AEBP1: variants seen among roughly 807,000 people sequenced by gnomAD.
AEBP1 encodes the protein AE binding protein 1.
Under a neutral mutation model 116.5 loss-of-function variants are expected in AEBP1, and 69 were observed. The observed-to-expected ratio is 0.59, with a 90% CI of 0.49 to 0.72. The LOEUF is 0.72. AEBP1 is among the 30% of genes least tolerant of loss of function. The probability of loss-of-function intolerance (pLI) is 0.00; values close to 1 mark genes in which losing one functional copy is unlikely to be tolerated. For missense variants in AEBP1, 1,444 were observed against 1,557.5 expected (o/e 0.93, Z 1.23); for synonymous variants, 627 against 627.3 (o/e 1.00, Z 0.01).
At chr7:44,110,387 G>T in intron 11 of AEBP1, 41 bp downstream of exon 11, 1 of 1,612,720 alleles carries the variant, frequency 6.2e-7, no homozygotes, top group African/African-American at 1.3e-5. Flanking sequence ...GAGGGGAGTG[G>T]CTACATAGGC....
At position 44,111,782 on chromosome 7, in the gene AEBP1, G is replaced by T; in HGVS notation, c.1841-72G>T. Reference sequence around the variant, plus strand: ...TCCCCCAGACCCTCGGGTATGAGGTGGGTCTGGGTCCTTCCTCAGCTGCCC... The same window carrying T: ...TCCCCCAGACCCTCGGGTATGAGGTTGGTCTGGGTCCTTCCTCAGCTGCCC... On this transcript the variant is annotated intron_variant, in intron 15 of 20. Coordinates refer to ENST00000223357, the MANE Select transcript of AEBP1 (RefSeq NM_001129.5). This position sits in a 1 kb window ranked among gnomAD's most constrained non-coding sequence, Gnocchi z 4.7. 6.5e-7 allele frequency: 1 copy of T among 1,541,820 alleles called. No individual in the cohort carries two copies. The highest frequency in any genetic ancestry group is 1.2e-5 in the South Asian group (1 of 83,330).
chr7:44,109,967 G>T, intron 9 of AEBP1, 48 bp from the exon 10 acceptor site: 1 of 1,544,574 alleles, frequency 6.5e-7, no homozygotes, highest in African/African-American at 1.4e-5. Context: ...GTTTGGTGGA[G>T]GGAAGGATGG....
chr7:44,105,453 G>A (rs2096221994), intron 1 of AEBP1, among the ~76,000 whole-genome samples: 1 of 152,182 alleles, frequency 6.6e-6, no homozygotes, highest in African/African-American at 2.4e-5. Flanking sequence ...CATCACTGAA[G>A]CATTTAACCC....
chr7:44,104,978 GA>G, intron 1 of AEBP1, 60 bp downstream of exon 1: 1 of 1,357,762 alleles, frequency 7.4e-7, no homozygotes, highest in East Asian at 2.5e-5. Flanking sequence ...GGAACAGGGG[GA>G]TTCGGTAGGG....
Position 44,114,103 on chromosome 7 carries a change from C to A in AEBP1, c.3319C>A (p.Pro1107Thr), listed in dbSNP as rs748620567. Residue 1107 changes from proline to threonine, a missense_variant, in exon 21 of 21, where the codon CCC (proline) becomes ACC (threonine). Physicochemically the swap from Pro to Thr is conservative, Grantham distance 38 (BLOSUM62 -1). Coordinates refer to ENST00000223357, the MANE Select transcript of AEBP1 (RefSeq NM_001129.5). ...VEPEFGTKVE[P>T]EFETQLEPEF... is the part of the protein sequence containing the mutation. ...GCCCGAGTTTGGGACCAAGGTGGAG[C>A]CCGAGTTTGAGACCCAGTTGGAGCC... 6.2e-7 allele frequency: 1 copy of A among 1,613,804 alleles called. No homozygotes were observed. The highest frequency in any genetic ancestry group is 1.7e-5 in the Admixed American group (1 of 60,016).
At chr7:44,110,597 C>T (rs2096228271) in intron 11 of AEBP1, 128 bp from the exon 12 acceptor site, 2 of 1,024,764 alleles carry the variant, frequency 2.0e-6, no homozygotes, top group South Asian at 3.1e-5. Context: ...GACCCAGGCT[C>T]AACACCTGGG....
In AEBP1 at chr7:44,112,298, C is replaced by T. The variant is rs145884426; in HGVS notation, c.2194C>T (p.Arg732Cys). ...VPNNNLPIPERYLSPDATVST... is the reference protein window; with the variant it reads ...VPNNNLPIPECYLSPDATVST... The stretch of plus-strand genomic sequence containing the variant: ...CAACAATAACTTGCCCATCCCTGAA[C>T]GCTACCTTTCGCCAGATGCCACGGT... Residue 732 changes from arginine (R) to cysteine (C), a missense_variant, in exon 17 of 21, where the codon CGC becomes TGC. Coordinates refer to ENST00000223357, the MANE Select transcript of AEBP1 (RefSeq NM_001129.5). The surrounding 1 kb of genome is among the most constrained non-coding windows in gnomAD (Gnocchi z 6.6). The T allele has an allele frequency of 8.3e-6, 13 of 1,561,604 alleles. No homozygotes were observed. The African/African-American group carries it at 1.1e-4, about 13-fold the overall frequency.
In AEBP1 at chr7:44,108,411, C is replaced by T. The variant is rs1035338270; in HGVS notation, c.940+327C>T. On this transcript the variant is annotated intron_variant, in intron 6 of 20. Coordinates refer to ENST00000223357, the MANE Select transcript of AEBP1 (RefSeq NM_001129.5). This position sits in a 1 kb window ranked among gnomAD's most constrained non-coding sequence, Gnocchi z 5.0. Reference sequence around the variant, plus strand: ...TGCTCTAACTGGCTTCCCGCTGGCTCGTGGCCACTGCCCCACTCTCTTCAG... The same window carrying T: ...TGCTCTAACTGGCTTCCCGCTGGCTTGTGGCCACTGCCCCACTCTCTTCAG... Among the ~76,000 whole-genome samples, 1 of 152,144 alleles carries T rather than the reference C, an allele frequency of 6.6e-6. No homozygotes were observed. Among genetic ancestry groups the T allele is most frequent in the Admixed American group, 6.5e-5 (1 of 15,288 alleles).
chr7:44,113,850 C>A lies in AEBP1; in HGVS notation c.3066C>A (p.Arg1022=). 8 of 1,613,896 alleles carry A rather than the reference C, an allele frequency of 5.0e-6. No homozygotes were observed. Among genetic ancestry groups the A allele is most frequent in the Non-Finnish European group, 6.8e-6 (8 of 1,179,996 alleles). Residue 1022 remains arginine (R), a synonymous_variant, in exon 21 of 21, where the codon CGC becomes CGA. Coordinates refer to ENST00000223357, the MANE Select transcript of AEBP1 (RefSeq NM_001129.5). This position sits in a 1 kb window ranked among gnomAD's most constrained non-coding sequence, Gnocchi z 5.3. ...AACAGCGACGCCTGCAGCAGCGACG[C>A]CTACAACACCGCCTGCGGCTTCGGG... ...TPQQRRLQQR[R]LQHRLRLRAQ... is the part of the protein sequence containing the mutation.
chr7:44,106,273 G>C, intron 1 of AEBP1: 1 of 629,120 alleles, frequency 1.6e-6, no homozygotes, highest in Non-Finnish European at 2.9e-6. Context: ...TTGGCAGGTG[G>C]GGGGATGAGG....
Position 44,104,440 on chromosome 7 carries a change from CT to C in AEBP1, c.-225del, listed in dbSNP as rs2096220747. The stretch of plus-strand genomic sequence containing the variant: ...GGACCTCGGAGCGCCCCGACCACCC[CT>C]GAGCCCCTCTGGCTTCGGAGCCCCC... On this transcript the variant is annotated 5_prime_UTR_variant, in exon 1 of 21. Coordinates refer to ENST00000223357, the MANE Select transcript of AEBP1 (RefSeq NM_001129.5). The C allele has an allele frequency of 2.5e-6, 1 of 404,292 alleles. No homozygotes were observed. The highest frequency in any genetic ancestry group is 6.3e-4 in the Middle Eastern group (1 of 1,590). 25.0% of individuals were successfully genotyped at this position (404,292 alleles called of 1,614,324 possible). A position where few individuals can be genotyped will look rare whatever the true frequency, so the allele number is the denominator to read the frequency against.
chr7:44,109,435 C>G, intron 9 of AEBP1, 94 bp downstream of exon 9: 1 of 1,332,134 alleles, frequency 7.5e-7, no homozygotes, highest in Non-Finnish European at 1.0e-6. Flanking sequence ...GGACCCAGGT[C>G]CCCGGAACCC....
rs1219138633 is a variant in AEBP1, at chr7:44,106,803, C to T, written c.511C>T (p.Pro171Ser). 1 of 1,611,050 alleles carries T rather than the reference C, an allele frequency of 6.2e-7. No individual in the cohort carries two copies. Among genetic ancestry groups the T allele is most frequent in the Non-Finnish European group, 8.5e-7 (1 of 1,179,022 alleles). Residue 171 changes from proline to serine, a missense_variant, in exon 2 of 21, where the codon CCC becomes TCC. Physicochemically the swap from Pro to Ser is moderately conservative, Grantham distance 74. Coordinates refer to ENST00000223357, the MANE Select transcript of AEBP1 (RefSeq NM_001129.5). ...GAAGCCCCCGTCAGGGAAGAGGCCC[C>T]CCATTCTGGCTCCCTCAGAAACCCT... ...TKKPPSGKRP[P>S]ILAPSETLEW... is the part of the protein sequence containing the mutation.
Position 44,107,962 on chromosome 7 carries a change from T to A in AEBP1, c.862+31T>A, listed in dbSNP as rs1354120925. ...ATGGGGGGCAGGAGAGGAGGTGCCA[T>A]GGCCACGGCGCTCTGGCCCCCTCCT... On this transcript the variant is annotated intron_variant, in intron 5 of 20. Coordinates refer to ENST00000223357, the MANE Select transcript of AEBP1 (RefSeq NM_001129.5). This position sits in a 1 kb window ranked among gnomAD's most constrained non-coding sequence, Gnocchi z 4.3. 1.4e-6 allele frequency: 2 copies of A among 1,422,966 alleles called. No homozygotes were observed. The highest frequency in any genetic ancestry group is 1.8e-6 in the Non-Finnish European group (2 of 1,093,132). 88.1% of individuals were successfully genotyped at this position (1,422,966 alleles called of 1,614,324 possible).
At chr7:44,109,943 C>A in intron 9 of AEBP1, 72 bp from the exon 10 acceptor site, 3 of 1,395,412 alleles carry the variant, frequency 2.1e-6, no homozygotes, top group Non-Finnish European at 2.0e-6. Context: ...GGGCTCTGGG[C>A]TCCTTGGTTC....
Position 44,114,488 on chromosome 7 carries a change from G to A in AEBP1, c.*227G>A. ...TCCACCTGCCAGTCTCGTAAGAGAT[G>A]GGGTTGCTGCAGTGTTGGAGTAGGG... On this transcript the variant is annotated 3_prime_UTR_variant, in exon 21 of 21. Coordinates refer to ENST00000223357, the MANE Select transcript of AEBP1 (RefSeq NM_001129.5). 1 of 636,432 alleles carries A rather than the reference G, an allele frequency of 1.6e-6. No homozygotes were observed. Among genetic ancestry groups the A allele is most frequent in the South Asian group, 2.0e-5 (1 of 49,562 alleles). 39.4% of individuals were successfully genotyped at this position (636,432 alleles called of 1,614,324 possible).
Position 44,112,335 on chromosome 7 carries a change from C to G in AEBP1, c.2217+14C>G. 1 of 1,532,862 alleles carries G rather than the reference C, an allele frequency of 6.5e-7. No homozygotes were observed. The highest frequency in any genetic ancestry group is 8.8e-7 in the Non-Finnish European group (1 of 1,138,284). The allele number at this position is 1,532,862 out of a possible 1,614,324, so 95.0% of individuals were successfully genotyped here. A position where few individuals can be genotyped will look rare whatever the true frequency, so the allele number is the denominator to read the frequency against. The stretch of plus-strand genomic sequence containing the variant: ...CCAGATGCCACGGTGAGGCTACAGC[C>G]TGGCTGAAAGGGCAGGAGGGAGCAG... On this transcript the variant is annotated intron_variant, in intron 17 of 20. Transcript: ENST00000223357. The surrounding 1 kb of genome is among the most constrained non-coding windows in gnomAD (Gnocchi z 6.6).
chr7:44,107,939 G>A lies in AEBP1; in HGVS notation c.862+8G>A. ...CCCCGGAGGAGAGGATTGGTAGGAT[G>A]GGGGGCAGGAGAGGAGGTGCCATGG... On this transcript the variant is annotated splice_region_variant and intron_variant, in intron 5 of 20. Coordinates refer to ENST00000223357, the MANE Select transcript of AEBP1 (RefSeq NM_001129.5). The surrounding 1 kb of genome is among the most constrained non-coding windows in gnomAD (Gnocchi z 4.3). The A allele has an allele frequency of 6.4e-7, 1 of 1,569,992 alleles. No homozygotes were observed. Among genetic ancestry groups the A allele is most frequent in the Non-Finnish European group, 8.6e-7 (1 of 1,161,866 alleles).
rs776565766 is a variant in AEBP1, at chr7:44,114,148, G to A, written c.3364G>A (p.Glu1122Lys). Residue 1122 changes from glutamate (E) to lysine (K), a missense_variant, in exon 21 of 21, where the codon GAA becomes AAA. Glu to Lys is a moderately conservative substitution (Grantham distance 56, BLOSUM62 1). Transcript: ENST00000223357. ...GGAGCCTGAGTTTGAGACCCAGCTG[G>A]AACCCGAGTTTGAGGAAGAGGAGGA... is the stretch of plus-strand genomic sequence containing the variant. ...QLEPEFETQL[E>K]PEFEEEEEEE... 3.7e-6 allele frequency: 6 copies of A among 1,614,104 alleles called. No homozygotes were observed. The South Asian group carries it at 6.6e-5, about 18-fold the overall frequency.
Sources: allele counts gnomAD v4.1 joint callset (sites outside exome capture counted in the v4.1 genomes callset), GRCh38; gene constraint gnomAD v4.1.1; non-coding constraint Gnocchi (gnomAD v3.1); transcripts MANE v1.5; gene names NCBI Gene and HGNC (gene_info 2026-07-23, HGNC 2026-07-21).